The following MAPKAP1 variants were observed in gnomAD, a reference collection of about 807,000 sequenced individuals.
The protein encoded by MAPKAP1 is MAPK associated protein 1.
MAPKAP1 carries 20 observed loss-of-function variants against 65.7 expected under a neutral mutation model. The observed-to-expected ratio is 0.30, with a 90% confidence interval of 0.21 to 0.44. The LOEUF is 0.44. Ranked by LOEUF, MAPKAP1 falls within the 20% of genes least tolerant of loss-of-function variation. MAPKAP1 has a pLI of 1.00. For missense variants in MAPKAP1, 423 were observed against 648.0 expected, an observed-to-expected ratio of 0.65 and a Z score of 3.77; for synonymous variants, 222 against 244.3, an observed-to-expected ratio of 0.91 and a Z score of 0.85.
chr9:125,684,697 A>G lies in MAPKAP1; in HGVS notation c.-69-12054T>C, dbSNP rs114416215. 4.1e-3 allele frequency among the ~76,000 whole-genome samples: 625 copies of G among 152,320 alleles called. 6 individuals are homozygous for G. Among genetic ancestry groups the G allele is most frequent in the African/African-American group, 0.014 (599 of 41,580 alleles). On this transcript the variant is annotated intron_variant, in intron 1 of 11. Coordinates refer to ENST00000265960, the MANE Select transcript of MAPKAP1 (RefSeq NM_001006617.3). ...GTAAGACTTAGCCCTTGGTCTGAGA[A>G]GCCTTTTCACCCTTCTTCCCCTGAC...
intron 10 of MAPKAP1, 44 bp from the exon 11 acceptor site, chr9:125,444,642 C>G: frequency 7.1e-7 from 1 of 1,417,292 alleles, no homozygotes; most frequent in Non-Finnish European, 9.9e-7. Context: ...GGTGAGTTAA[C>G]TATGGCGGGG....
chr9:125,453,124 C>T (rs1370868462), intron 10 of MAPKAP1, among the ~76,000 whole-genome samples: 5 of 152,180 alleles, frequency 3.3e-5, no homozygotes, highest in East Asian at 1.9e-4. Flanking sequence ...GTGGCATGAT[C>T]TTGACTCACT....
intron 7 of MAPKAP1, among the ~76,000 whole-genome samples, chr9:125,527,079 T>C (rs1421316573): frequency 6.6e-6 from 1 of 150,756 alleles, no homozygotes; most frequent in East Asian, 2.0e-4. Context: ...TTTGTTTTTT[T>C]TGGGGGATGT....
intron 9 of MAPKAP1, chr9:125,478,062 T>C (rs1054994584): frequency 4.6e-5 from 7 of 152,228 alleles, no homozygotes; most frequent in African/African-American, 1.4e-4. Context: ...GGCAAAGATA[T>C]TTCAATTTAA....
intron 5 of MAPKAP1, among the ~76,000 whole-genome samples, chr9:125,577,578 C>T (rs1831466775): frequency 7.9e-6 from 1 of 126,618 alleles, no homozygotes; most frequent in Non-Finnish European, 1.7e-5. Context: ...GGTCAGCCCC[C>T]CGCCCTGCCA....
chr9:125,468,885 G>A (rs1465291811), intron 9 of MAPKAP1, among the ~76,000 whole-genome samples: 1 of 152,162 alleles, frequency 6.6e-6, no homozygotes, highest in African/African-American at 2.4e-5. Flanking sequence ...ATAGTGACCG[G>A]GAATAAAGGT....
At chr9:125,625,236 T>TC (rs1833069039) in intron 4 of MAPKAP1, among the ~76,000 whole-genome samples, 1 of 54,460 alleles carries the variant, frequency 1.8e-5, no homozygotes, top group African/African-American at 7.3e-5. Context: ...GAATTATCAA[T>TC]AAAAAAAAAA....
At chr9:125,647,790 C>T (rs1424759023) in intron 4 of MAPKAP1, among the ~76,000 whole-genome samples, 4 of 152,134 alleles carry the variant, frequency 2.6e-5, no homozygotes, top group Non-Finnish European at 5.9e-5. Flanking sequence ...GTGTGGGTGC[C>T]TAGTAAATGA....
chr9:125,559,024 C>T (rs956778018), intron 6 of MAPKAP1: 3 of 152,204 alleles, frequency 2.0e-5, no homozygotes, highest in African/African-American at 7.2e-5. Flanking sequence ...AGGTATACAG[C>T]TGGATATTGT....
At chr9:125,630,362 G>A (rs183467552) in intron 4 of MAPKAP1, among the ~76,000 whole-genome samples, 7 of 152,060 alleles carry the variant, frequency 4.6e-5, no homozygotes, top group Admixed American at 6.5e-5. Context: ...GAAATCCTGG[G>A]CTCAAGTGAT....
chr9:125,569,925 T>C (rs898329028), intron 5 of MAPKAP1, among the ~76,000 whole-genome samples: 6 of 152,252 alleles, frequency 3.9e-5, no homozygotes, highest in Non-Finnish European at 7.3e-5. Flanking sequence ...GTAACTTTAG[T>C]AATCTTTGGG....
At position 125,521,552 on chromosome 9, in the gene MAPKAP1, C is replaced by T. The variant is rs1829618058; in HGVS notation, c.959-15135G>A. On this transcript the variant is annotated intron_variant, in intron 7 of 11. Transcript: ENST00000265960. Reference sequence around the variant, plus strand: ...GTGGGGTAATGCATTCAAATAAATGCCAAAACTGGTTGATGGGGATCCAGG... The same window carrying T: ...GTGGGGTAATGCATTCAAATAAATGTCAAAACTGGTTGATGGGGATCCAGG... The T allele has an allele frequency of 2.9e-6, 4 of 1,368,742 alleles. No individual in the cohort carries two copies. The Admixed American group carries it at 1.5e-4, about 50-fold the overall frequency. 84.8% of individuals were successfully genotyped at this position (1,368,742 alleles called of 1,614,324 possible).
In MAPKAP1 at chr9:125,495,099, T is replaced by A. The variant is rs528079233; in HGVS notation, c.1067-10516A>T. On this transcript the variant is annotated intron_variant, in intron 8 of 11. Coordinates refer to ENST00000265960, the MANE Select transcript of MAPKAP1 (RefSeq NM_001006617.3). ...CATTATTTCCTCTTTCTCCAATATG[T>A]CTTTGTCCATGTTCAAAGCCCAGGA... Among the ~76,000 whole-genome samples the A allele has an allele frequency of 2.6e-5, 4 of 152,334 alleles. No individual in the cohort carries two copies. The South Asian group carries it at 8.3e-4, about 32-fold the overall frequency.
rs200466671 is a variant in MAPKAP1 at position 125,580,682 on chromosome 9, T to TA, written c.671+4872dup. On this transcript the variant is annotated intron_variant, in intron 5 of 11. Transcript: ENST00000265960. ...ACATGTACCCTAGAACTTAAAAGTA[T>TA]AAAAAAAAAAAAGACTATAGACATT... is the stretch of plus-strand genomic sequence containing the variant. 1.9e-3 allele frequency among the ~76,000 whole-genome samples: 277 copies of TA among 148,162 alleles called. 1 individual carries two copies. Among genetic ancestry groups the TA allele is most frequent in the African/African-American group, 5.5e-3 (222 of 40,126 alleles).
chr9:125,602,890 T>G (rs1218292078), intron 4 of MAPKAP1, among the ~76,000 whole-genome samples: 1 of 152,070 alleles, frequency 6.6e-6, no homozygotes, highest in African/African-American at 2.4e-5. Flanking sequence ...ACCCTCTGAT[T>G]CCGTTTTCTC....
chr9:125,662,152 T>C (rs1323793732), intron 3 of MAPKAP1, among the ~76,000 whole-genome samples: 1 of 152,172 alleles, frequency 6.6e-6, no homozygotes, highest in Admixed American at 6.5e-5. Context: ...GAGGCCAAGA[T>C]GGGCAGATCA....
chr9:125,701,580 A>G (rs1190390098), intron 1 of MAPKAP1, among the ~76,000 whole-genome samples: 1 of 152,140 alleles, frequency 6.6e-6, no homozygotes, highest in African/African-American at 2.4e-5. Context: ...TGCTCTTTCC[A>G]CTAAACTGTG....
intron 4 of MAPKAP1, among the ~76,000 whole-genome samples, chr9:125,593,381 G>T (rs1300392732): frequency 6.6e-6 from 1 of 152,112 alleles, no homozygotes; most frequent in Non-Finnish European, 1.5e-5. Context: ...AAAGAAAAGG[G>T]CAAGGCACAG....
intron 8 of MAPKAP1, among the ~76,000 whole-genome samples, chr9:125,490,493 T>A (rs1854664101): frequency 6.6e-6 from 1 of 152,024 alleles, no homozygotes; most frequent in Admixed American, 6.6e-5. Flanking sequence ...GAACCAAGAT[T>A]GCGCCACTGC....
Sources: allele counts gnomAD v4.1 joint callset (sites outside exome capture counted in the v4.1 genomes callset), GRCh38; gene constraint gnomAD v4.1.1; transcripts MANE v1.5; gene names NCBI Gene and HGNC (gene_info 2026-07-23, HGNC 2026-07-21).